Variants in CDC14B observed in about 807,000 individuals in gnomAD.
CDC14B encodes cell division cycle 14B.
Under a neutral mutation model 64.2 loss-of-function variants are expected in CDC14B, and 22 were observed. The observed-to-expected ratio is 0.34, with a 90% CI of 0.24 to 0.49. The LOEUF is 0.49. CDC14B is among the 20% of genes least tolerant of loss of function. The pLI is 0.99. For missense variants in CDC14B, 498 were observed against 629.9 expected (o/e 0.79, Z 2.24); for synonymous variants, 191 against 215.8 (o/e 0.89, Z 1.01).
chr9:96,607,891 G>A (rs1847074452), intron 1 of CDC14B, among the ~76,000 whole-genome samples: 1 of 152,200 alleles, frequency 6.6e-6, no homozygotes, highest in South Asian at 2.1e-4. Flanking sequence ...CTGCCAAGAA[G>A]CAGAAAGCAG....
At chr9:96,586,378 C>A (rs1845457441) in intron 1 of CDC14B, among the ~76,000 whole-genome samples, 1 of 152,156 alleles carries the variant, frequency 6.6e-6, no homozygotes, top group South Asian at 2.1e-4. Flanking sequence ...TAGAAAAATT[C>A]TTTTAAAGAT....
chr9:96,540,738 G>A (rs1839934552), intron 6 of CDC14B, among the ~76,000 whole-genome samples: 2 of 152,016 alleles, frequency 1.3e-5, no homozygotes, highest in Admixed American at 1.3e-4. Flanking sequence ...CACCTGGCAG[G>A]GGCTGCAACT....
chr9:96,614,157 A>G (rs1847485855), intron 1 of CDC14B, among the ~76,000 whole-genome samples: 5 of 152,228 alleles, frequency 3.3e-5, no homozygotes, highest in Admixed American at 3.3e-4. Context: ...TAAAAAGGTA[A>G]AGAAATTTAA....
At chr9:96,614,595 AT>A (rs1401592767) in intron 1 of CDC14B, among the ~76,000 whole-genome samples, 1 of 151,876 alleles carries the variant, frequency 6.6e-6, no homozygotes, top group African/African-American at 2.4e-5. Flanking sequence ...GAGTCTTTAA[AT>A]TTTTTTTTCC....
intron 1 of CDC14B, among the ~76,000 whole-genome samples, chr9:96,578,036 A>G (rs1240043653): frequency 6.6e-6 from 1 of 152,242 alleles, no homozygotes; most frequent in Non-Finnish European, 1.5e-5. Flanking sequence ...TGTAGATTTG[A>G]AAACCAAATT....
rs1835502554 is a variant in CDC14B at position 96,515,449 on chromosome 9, A to G, written c.1344-5660T>C. On this transcript the variant is annotated intron_variant, in intron 12 of 13. Transcript: ENST00000375241. This position sits in a 1 kb window ranked among gnomAD's most constrained non-coding sequence, Gnocchi z 4.3. Reference sequence around the variant, plus strand: ...TAAAACAACGTATGTTACTTTCAATATCCTTTCTATGAGAGGAACAGTGAA... The same window carrying G: ...TAAAACAACGTATGTTACTTTCAATGTCCTTTCTATGAGAGGAACAGTGAA... 6.6e-6 allele frequency among the ~76,000 whole-genome samples: 1 copy of G among 152,236 alleles called. No homozygotes were observed. Among genetic ancestry groups the G allele is most frequent in the African/African-American group, 2.4e-5 (1 of 41,466 alleles).
At chr9:96,599,665 T>C (rs886794737) in intron 1 of CDC14B, among the ~76,000 whole-genome samples, 13 of 152,326 alleles carry the variant, frequency 8.5e-5, no homozygotes, top group African/African-American at 3.1e-4. Flanking sequence ...GTGATAAACA[T>C]GCTACGGCAA....
intron 1 of CDC14B, chr9:96,566,995 G>A: frequency 7.0e-7 from 1 of 1,420,948 alleles, no homozygotes; most frequent in East Asian, 2.6e-5. Context: ...AACCCCGGAA[G>A]TCCCCAAGTC....
intron 1 of CDC14B, chr9:96,566,651 G>T: frequency 2.1e-6 from 2 of 955,482 alleles, no homozygotes; most frequent in Non-Finnish European, 3.2e-6. Flanking sequence ...CCACCCACAC[G>T]CAGGAGACAA....
intron 1 of CDC14B, among the ~76,000 whole-genome samples, chr9:96,566,358 ATTTT>A (rs201974662): frequency 7.1e-6 from 1 of 140,862 alleles, no homozygotes; most frequent in Non-Finnish European, 1.5e-5. Context: ...ATGGTAAACT[ATTTT>A]TTTTTTTTTT....
intron 1 of CDC14B, among the ~76,000 whole-genome samples, chr9:96,569,075 G>C (rs1012031832): frequency 6.6e-6 from 1 of 152,198 alleles, no homozygotes; most frequent in Non-Finnish European, 1.5e-5. Flanking sequence ...CACAAGAAAC[G>C]TATCAATGCC....
chr9:96,559,348 T>G (rs1230712622), intron 4 of CDC14B, among the ~76,000 whole-genome samples: 1 of 152,192 alleles, frequency 6.6e-6, no homozygotes, highest in African/African-American at 2.4e-5. Context: ...TTCCTCCAGA[T>G]TTTTTTGGTT....
At chr9:96,566,884 G>A (rs1844073927) in intron 1 of CDC14B, 2 of 1,562,884 alleles carry the variant, frequency 1.3e-6, no homozygotes, top group African/African-American at 1.4e-5. Flanking sequence ...GAGGCGCCGC[G>A]ACCACACCCC....
intron 9 of CDC14B, among the ~76,000 whole-genome samples, chr9:96,533,111 T>C (rs1838737847): frequency 1.3e-5 from 2 of 152,064 alleles, no homozygotes; most frequent in Non-Finnish European, 2.9e-5. Context: ...GGATTACAGG[T>C]ATCCGTCACC....
chr9:96,548,432 A>G (rs1465556605), intron 5 of CDC14B, among the ~76,000 whole-genome samples: 1 of 152,162 alleles, frequency 6.6e-6, no homozygotes, highest in Non-Finnish European at 1.5e-5. Flanking sequence ...AATTATGCAG[A>G]CCAGACACAG....
intron 1 of CDC14B, among the ~76,000 whole-genome samples, chr9:96,571,178 A>AT (rs199600453): frequency 0.037 from 5,650 of 150,672 alleles, 369 homozygotes; most frequent in African/African-American, 0.13. Flanking sequence ...ACGAAAAAAA[A>AT]ATTTTTTTTT....
chr9:96,497,662 C>A (rs997778457), downstream of CDC14B, among the ~76,000 whole-genome samples: 1 of 152,194 alleles, frequency 6.6e-6, no homozygotes, highest in Non-Finnish European at 1.5e-5. Context: ...TACACTTCTC[C>A]TGGACAGCAT....
rs1455574611 is a variant in CDC14B at position 96,512,427 on chromosome 9, C to T, written c.1344-2638G>A. ...CCTCAAATCCTGGGCTCAATTGATC[C>T]TCCTACCTCAGCCTCCAGAGTAGTT... On this transcript the variant is annotated intron_variant, in intron 12 of 13. Transcript: ENST00000375241. 2.0e-5 allele frequency among the ~76,000 whole-genome samples: 3 copies of T among 150,858 alleles called. No individual in the cohort carries two copies. In the East Asian group the frequency reaches 5.9e-4, roughly 29 times the overall value.
At chr9:96,595,713 C>T (rs548467557) in intron 1 of CDC14B, among the ~76,000 whole-genome samples, 91 of 152,232 alleles carry the variant, frequency 6.0e-4, no homozygotes, top group Middle Eastern at 3.4e-3. Flanking sequence ...CATAAAAGAA[C>T]ACAAATAGTA....
Sources: gnomAD v4.1 joint callset for allele counts (sites outside exome capture counted in the v4.1 genomes callset) on GRCh38, gnomAD v4.1.1 for gene constraint, Gnocchi (gnomAD v3.1) non-coding constraint, MANE v1.5 for transcripts, NCBI Gene and HGNC (gene_info 2026-07-23, HGNC 2026-07-21) for gene names.